Variants in SGCZ observed in about 807,000 individuals in gnomAD.
SGCZ encodes sarcoglycan zeta, also known as zeta-sarcoglycan.
In SGCZ, 40 loss-of-function variants were observed where a neutral mutation model predicts 41.3. The observed-to-expected ratio is 0.97, with a 90% confidence interval of 0.75 to 1.26. The LOEUF (loss-of-function observed/expected upper bound fraction) is 1.26. Ranked by LOEUF, SGCZ falls within the 50% of genes most tolerant of loss-of-function variation. The pLI is 0.00. For missense variants in SGCZ, 552 were observed against 369.8 expected (o/e 1.49, Z -4.04); for synonymous variants, 206 against 137.5 (o/e 1.50, Z -3.49).
intron 3 of SGCZ, among the ~76,000 whole-genome samples, chr8:14,282,447 C>G (rs999822150): frequency 6.6e-6 from 1 of 152,164 alleles, no homozygotes; most frequent in Non-Finnish European, 1.5e-5. Context: ...ACTGTGCCTC[C>G]TATTCACAAA....
chr8:15,215,772 A>G (rs946776012), intron 1 of SGCZ, among the ~76,000 whole-genome samples: 3 of 152,228 alleles, frequency 2.0e-5, no homozygotes, highest in Non-Finnish European at 2.9e-5. Context: ...AAGAGTTACA[A>G]TTAAAGTCCT....
chr8:15,046,996 ATGTT>A (rs1475220674), intron 1 of SGCZ, among the ~76,000 whole-genome samples: 1 of 152,088 alleles, frequency 6.6e-6, no homozygotes, highest in African/African-American at 2.4e-5. Flanking sequence ...CTACAGTTCA[ATGTT>A]TGTTAATAGT....
intron 1 of SGCZ, among the ~76,000 whole-genome samples, chr8:14,979,685 C>A (rs1801597913): frequency 6.6e-6 from 1 of 152,118 alleles, no homozygotes; most frequent in African/African-American, 2.4e-5. Flanking sequence ...CGAAGCTGTG[C>A]CTTTTAAATC....
intron 1 of SGCZ, among the ~76,000 whole-genome samples, chr8:14,642,226 G>T (rs543025312): frequency 6.6e-6 from 1 of 151,744 alleles, no homozygotes; most frequent in East Asian, 1.9e-4. Flanking sequence ...AAGAGAATCA[G>T]ATGGGACAAA....
intron 1 of SGCZ, among the ~76,000 whole-genome samples, chr8:14,963,647 C>A (rs909899922): frequency 1.3e-5 from 2 of 152,078 alleles, no homozygotes; most frequent in Non-Finnish European, 2.9e-5. Context: ...TGTTGCCTGG[C>A]CTAAATTCAT....
chr8:14,613,947 T>A (rs550249759), intron 1 of SGCZ, among the ~76,000 whole-genome samples: 1 of 152,300 alleles, frequency 6.6e-6, no homozygotes, highest in South Asian at 2.1e-4. Flanking sequence ...AATTGAGTGA[T>A]TTATAGATGA....
rs144015072 is a variant in SGCZ at position 15,144,144 on chromosome 8, G to C, written c.39+93441C>G. On this transcript the variant is annotated intron_variant, in intron 1 of 7. Coordinates refer to ENST00000382080, the MANE Select transcript of SGCZ (RefSeq NM_139167.4). ...GCTTTCTGGGTGAGAGGAAACATCA[G>C]TTTCTGGCATTTTGAAGTTGGTGTA... Among the ~76,000 whole-genome samples the C allele has an allele frequency of 1.1e-4, 16 of 152,298 alleles. No homozygotes were observed. In the East Asian group the frequency reaches 3.1e-3, roughly 29 times the overall value.
chr8:14,278,627 A>G (rs1800314824), intron 3 of SGCZ, among the ~76,000 whole-genome samples: 1 of 152,158 alleles, frequency 6.6e-6, no homozygotes, highest in Admixed American at 6.6e-5. Context: ...TATATTCTCT[A>G]TATTGCTATT....
chr8:14,290,961 T>A (rs1459261999), intron 3 of SGCZ, among the ~76,000 whole-genome samples: 1 of 152,100 alleles, frequency 6.6e-6, no homozygotes, highest in Non-Finnish European at 1.5e-5. Flanking sequence ...AGTGGATGAA[T>A]GGATAAAGAA....
At chr8:14,542,940 G>C (rs1392230357) in intron 2 of SGCZ, among the ~76,000 whole-genome samples, 2 of 151,670 alleles carry the variant, frequency 1.3e-5, no homozygotes, top group Admixed American at 6.6e-5. Context: ...GACATATATA[G>C]GGCCTTAAAA....
At chr8:14,480,036 G>A (rs1280768259) in intron 2 of SGCZ, among the ~76,000 whole-genome samples, 1 of 152,152 alleles carries the variant, frequency 6.6e-6, no homozygotes. Context: ...TGAGCCACGC[G>A]ACTGGCCAGC....
intron 2 of SGCZ, among the ~76,000 whole-genome samples, chr8:14,340,370 A>C (rs146132706): frequency 9.1e-4 from 139 of 152,270 alleles, no homozygotes; most frequent in African/African-American, 3.3e-3. Context: ...ATTGTTTTAC[A>C]AGCATTCCCT....
In SGCZ at chr8:14,290,026, A is replaced by C. The variant is rs185958290; in HGVS notation, c.336+34077T>G. On this transcript the variant is annotated intron_variant, in intron 3 of 7. Coordinates refer to ENST00000382080, the MANE Select transcript of SGCZ (RefSeq NM_139167.4). ...GTGAGAACTCCAGCATTATCACGAG[A>C]ACAGCATGGAGGAAGCTGCCTCCAT... Among the ~76,000 whole-genome samples, 188 of 152,042 alleles carry C rather than the reference A, an allele frequency of 1.2e-3. 1 individual carries two copies. Among genetic ancestry groups the C allele is most frequent in the African/African-American group, 4.3e-3 (179 of 41,506 alleles).
intron 1 of SGCZ, among the ~76,000 whole-genome samples, chr8:14,564,351 C>T (rs1804294903): frequency 5.9e-5 from 9 of 152,074 alleles, no homozygotes; most frequent in Admixed American, 5.9e-4. Context: ...TATCAGTCAT[C>T]TGTTGTTTAT....
intron 1 of SGCZ, among the ~76,000 whole-genome samples, chr8:15,087,081 G>A (rs920949520): frequency 1.3e-5 from 2 of 152,052 alleles, no homozygotes; most frequent in Non-Finnish European, 2.9e-5. Flanking sequence ...GTAGAATTAA[G>A]TAAATCACAT....
intron 2 of SGCZ, 80 bp downstream of exon 2, chr8:14,554,652 T>C: frequency 7.7e-6 from 9 of 1,167,420 alleles, no homozygotes; most frequent in Admixed American, 2.6e-5. Flanking sequence ...TGAATAACTT[T>C]TGATTAAAAA....
intron 1 of SGCZ, among the ~76,000 whole-genome samples, chr8:14,608,775 A>G (rs567046750): frequency 2.0e-5 from 3 of 152,190 alleles, no homozygotes; most frequent in African/African-American, 7.2e-5. Context: ...TGGAGATCAC[A>G]TTTCAACGTG....
chr8:14,187,384 G>A (rs1469152062), intron 4 of SGCZ, among the ~76,000 whole-genome samples: 2 of 152,150 alleles, frequency 1.3e-5, no homozygotes, highest in African/African-American at 2.4e-5. Context: ...TTGTGAGAAT[G>A]AGCAAATGTC....
chr8:14,720,968 G>C (rs1335716488), intron 1 of SGCZ, among the ~76,000 whole-genome samples: 1 of 151,726 alleles, frequency 6.6e-6, no homozygotes, highest in Non-Finnish European at 1.5e-5. Context: ...TAAAGGCAAA[G>C]GCCAATAAGT....
Sources: allele counts gnomAD v4.1 joint callset (sites outside exome capture counted in the v4.1 genomes callset), GRCh38; gene constraint gnomAD v4.1.1; transcripts MANE v1.5; gene names NCBI Gene and HGNC (gene_info 2026-07-23, HGNC 2026-07-21).